The following LARS1 variants were observed in gnomAD, a reference collection of about 807,000 sequenced individuals.
LARS1 encodes the protein leucyl-tRNA synthetase 1, also known as leucine--tRNA ligase, cytoplasmic.
A neutral mutation model predicts 162.8 loss-of-function variants in LARS1; 100 were observed. The ratio of observed to expected loss-of-function variants is 0.61; its 90% CI spans 0.52 to 0.73. LARS1 has a LOEUF of 0.73. Ranked by LOEUF, LARS1 falls within the 30% of genes least tolerant of loss-of-function variation. The pLI, the probability that LARS1 is intolerant of heterozygous loss-of-function variation, is 0.00. For missense variants in LARS1, 1,258 were observed against 1,408.9 expected (o/e 0.89, Z 1.71); for synonymous variants, 457 against 462.8 (o/e 0.99, Z 0.16).
rs1379886346 is a variant in LARS1, at chr5:146,159,479, TAAAC to T, written c.708-13_708-10del. 1.3e-6 allele frequency: 2 copies of T among 1,599,498 alleles called. No individual in the cohort carries two copies. Among genetic ancestry groups the T allele is most frequent in the Non-Finnish European group, 1.7e-6 (2 of 1,167,134 alleles). Reference sequence around the variant, plus strand: ...GAGAGTAAATTGTATACCTAAAAAATAAACAAAAAGTGACAAACATTATTATAAT... The same window carrying T: ...GAGAGTAAATTGTATACCTAAAAAATAAAAAGTGACAAACATTATTATAAT... On this transcript the variant is annotated splice_polypyrimidine_tract_variant and intron_variant, in intron 7 of 31. Transcript: ENST00000394434.
At chr5:146,142,252 CACTCCAGCCTGG>C (rs1361262025) in intron 20 of LARS1, among the ~76,000 whole-genome samples, 4 of 151,896 alleles carry the variant, frequency 2.6e-5, no homozygotes, top group African/African-American at 7.2e-5. Flanking sequence ...CGTGCCGCTG[CACTCCAGCCTGG>C]ACTCTGTCTC....
intron 22 of LARS1, among the ~76,000 whole-genome samples, 192 bp downstream of exon 22, chr5:146,135,409 T>C (rs962071263): frequency 2.0e-5 from 3 of 152,202 alleles, no homozygotes; most frequent in Admixed American, 1.3e-4. Context: ...GCTTGATTTG[T>C]TCCTGAACAC....
chr5:146,170,431 C>G (rs1283249668), intron 4 of LARS1, among the ~76,000 whole-genome samples: 4 of 151,044 alleles, frequency 2.6e-5, no homozygotes, highest in Non-Finnish European at 4.4e-5. Flanking sequence ...GATCTCACCA[C>G]TGCACTCCAG....
At chr5:146,149,741 T>G in intron 14 of LARS1, 42 bp from the exon 15 acceptor site, 1 of 1,405,686 alleles carries the variant, frequency 7.1e-7, no homozygotes, top group South Asian at 1.2e-5. Context: ...ATAAAACAGT[T>G]AGAATCTGCC....
chr5:146,168,042 T>A, intron 5 of LARS1, 86 bp downstream of exon 5: 1 of 1,118,506 alleles, frequency 8.9e-7, no homozygotes, highest in Non-Finnish European at 1.3e-6. Flanking sequence ...TTTTATGTGT[T>A]GGGCACTGTG....
chr5:146,129,719 C>A (rs539165666), intron 25 of LARS1, among the ~76,000 whole-genome samples: 31 of 152,236 alleles, frequency 2.0e-4, no homozygotes, highest in Non-Finnish European at 2.9e-5. Context: ...CAAATATACA[C>A]AAATATACAC....
At chr5:146,181,084 T>C (rs1376253879) in intron 1 of LARS1, 3 of 152,334 alleles carry the variant, frequency 2.0e-5, no homozygotes, top group African/African-American at 4.8e-5. Flanking sequence ...CCAGGCGCCA[T>C]GGCTCACGCC....
intron 22 of LARS1, among the ~76,000 whole-genome samples, chr5:146,134,684 C>G (rs1388273384): frequency 1.3e-5 from 2 of 152,204 alleles, no homozygotes; most frequent in Non-Finnish European, 2.9e-5. Flanking sequence ...CATGGTGGCT[C>G]ATGCCTATAA....
chr5:146,149,830 T>C (rs1753194173), intron 14 of LARS1, 131 bp from the exon 15 acceptor site: 1 of 672,954 alleles, frequency 1.5e-6, no homozygotes, highest in African/African-American at 1.8e-5. Flanking sequence ...TTTATCATAT[T>C]TACAACGATA....
intron 20 of LARS1, 125 bp downstream of exon 20, chr5:146,142,747 A>T (rs1038283194): frequency 2.2e-5 from 16 of 729,002 alleles, no homozygotes; most frequent in African/African-American, 3.6e-5. Context: ...TATTTAAGAT[A>T]AGAAAAAGAA....
Position 146,143,544 on chromosome 5 carries a change from T to C in LARS1, c.1745A>G (p.His582Arg), listed in dbSNP as rs1380977755. The change falls in exon 19 of 32, where the codon CAC (histidine) becomes CGC (arginine). Residue 582 changes from histidine (H) to arginine (R), a missense_variant. His to Arg is a conservative substitution (Grantham distance 29, BLOSUM62 0). Coordinates refer to ENST00000394434, the MANE Select transcript of LARS1 (RefSeq NM_020117.11). ...ACSRTYGLGT[H>R]LPWDEQWLIE... is the part of the protein sequence containing the mutation. ...CAGCCACTGCTCATCCCAAGGCAGG[T>C]GAGTGCCTGAAAAATAAAAAGTAAC... The C allele has an allele frequency of 6.2e-7, 1 of 1,612,840 alleles. No individual in the cohort carries two copies. The highest frequency in any genetic ancestry group is 8.5e-7 in the Non-Finnish European group (1 of 1,179,248).
intron 8 of LARS1, among the ~76,000 whole-genome samples, chr5:146,158,940 C>T: frequency 6.6e-6 from 1 of 151,978 alleles, no homozygotes; most frequent in East Asian, 1.9e-4. Flanking sequence ...ACTAAAAATA[C>T]AAAAAATTAG....
At chr5:146,153,540 A>C (rs1753385933) in intron 12 of LARS1, among the ~76,000 whole-genome samples, 194 bp downstream of exon 12, 4 of 107,064 alleles carry the variant, frequency 3.7e-5, no homozygotes, top group African/African-American at 6.8e-5. Context: ...GAATATCAGA[A>C]AGCTTTTTCA....
chr5:146,119,640 C>T (rs1468025501), intron 31 of LARS1, among the ~76,000 whole-genome samples: 2 of 152,142 alleles, frequency 1.3e-5, no homozygotes, highest in East Asian at 3.9e-4. Context: ...CACCGTAGGA[C>T]CTGGCTGGAT....
chr5:146,166,917 A>G (rs1365478006), intron 5 of LARS1, among the ~76,000 whole-genome samples: 1 of 152,222 alleles, frequency 6.6e-6, no homozygotes, highest in Non-Finnish European at 1.5e-5. Context: ...CAAATGATCA[A>G]TGTTAACATC....
intron 4 of LARS1, among the ~76,000 whole-genome samples, chr5:146,171,600 C>T (rs1488357131): frequency 6.6e-6 from 1 of 152,138 alleles, no homozygotes; most frequent in East Asian, 1.9e-4. Flanking sequence ...CATAAGTGCA[C>T]AATGGCTGTA....
chr5:146,179,351 G>A (rs1228017152), intron 1 of LARS1, among the ~76,000 whole-genome samples: 18 of 152,012 alleles, frequency 1.2e-4, no homozygotes, highest in Non-Finnish European at 4.4e-5. Flanking sequence ...TAGTAGAGAC[G>A]AGGTTTCACC....
chr5:146,174,997 A>T (rs2126596613), intron 2 of LARS1, among the ~76,000 whole-genome samples: 1 of 152,300 alleles, frequency 6.6e-6, no homozygotes, highest in South Asian at 2.1e-4. Flanking sequence ...GGGTGGGCAG[A>T]TCACTTGAGC....
intron 5 of LARS1, among the ~76,000 whole-genome samples, chr5:146,167,267 C>A (rs1754053084): frequency 6.6e-6 from 1 of 151,992 alleles, no homozygotes; most frequent in Non-Finnish European, 1.5e-5. Flanking sequence ...CACTACTGTA[C>A]TAATGTTAAT....
Sources: gnomAD v4.1 joint callset for allele counts (sites outside exome capture counted in the v4.1 genomes callset) on GRCh38, gnomAD v4.1.1 for gene constraint, MANE v1.5 for transcripts, NCBI Gene and HGNC (gene_info 2026-07-23, HGNC 2026-07-21) for gene names.